Variants in POU2F3 observed in about 807,000 individuals in gnomAD.
POU2F3 encodes the protein POU domain, class 2, transcription factor 3.
POU2F3 carries 23 observed loss-of-function variants against 59.2 expected under a neutral mutation model. The observed-to-expected ratio is 0.39, with a 90% CI of 0.28 to 0.55. POU2F3 has a LOEUF of 0.55. Among genes scored for constraint, POU2F3 ranks in the 20% least tolerant of loss-of-function variants. POU2F3 has a pLI of 0.66. For synonymous variants in POU2F3, 190 were observed against 214.6 expected, an observed-to-expected ratio of 0.89 and a Z score of 1.00; for missense variants, 473 against 544.5, an observed-to-expected ratio of 0.87 and a Z score of 1.31.
At chr11:120,263,130 T>C (rs2135176237) in intron 2 of POU2F3, among the ~76,000 whole-genome samples, 1 of 152,240 alleles carries the variant, frequency 6.6e-6, no homozygotes, top group African/African-American at 2.4e-5. Context: ...TAGCTGAGAT[T>C]ACAGGCATGT....
At position 120,299,842 on chromosome 11, in the gene POU2F3, C is replaced by A. The variant is rs1591433573; in HGVS notation, c.361+116C>A. On this transcript the variant is annotated intron_variant, in intron 5 of 12. Coordinates refer to ENST00000543440, the MANE Select transcript of POU2F3 (RefSeq NM_014352.4). The stretch of plus-strand genomic sequence containing the variant: ...GAGCATGCGTCAGTCAGTCACCCAT[C>A]TGCTATTAAGACCTACTTATCCACC... The A allele has an allele frequency of 4.8e-6, 4 of 827,056 alleles. No homozygotes were observed. In the South Asian group the frequency reaches 5.2e-5, roughly 11 times the overall value. The allele number at this position is 827,056 out of a possible 1,614,324, so 51.2% of individuals were successfully genotyped here.
At chr11:120,248,284 T>C (rs908820381) in intron 2 of POU2F3, among the ~76,000 whole-genome samples, 1 of 152,204 alleles carries the variant, frequency 6.6e-6, no homozygotes, top group African/African-American at 2.4e-5. Context: ...AGTATGGATC[T>C]AGAATCAAAC....
intron 10 of POU2F3, among the ~76,000 whole-genome samples, chr11:120,313,687 C>T (rs1941711831): frequency 6.6e-6 from 1 of 152,136 alleles, no homozygotes. Flanking sequence ...AACAAGCTGG[C>T]CGCACTGACC....
intron 3 of POU2F3, among the ~76,000 whole-genome samples, chr11:120,284,788 C>T (rs1399420711): frequency 1.3e-5 from 2 of 151,650 alleles, no homozygotes; most frequent in Non-Finnish European, 3.0e-5. Context: ...GCCTTTAGCC[C>T]CGGGGTGAGT....
At chr11:120,308,956 AAAAAAAAAAAAAAAAAAAAAG>A (rs1941576880) in intron 9 of POU2F3, among the ~76,000 whole-genome samples, 2 of 140,634 alleles carry the variant, frequency 1.4e-5, no homozygotes, top group African/African-American at 5.4e-5. Flanking sequence ...AAAAAAAAAA[AAAAAAAAAAAAAAAAAAAAAG>A]AAATGACAAG....
intron 3 of POU2F3, among the ~76,000 whole-genome samples, chr11:120,274,116 G>GAAGGAAGGAAGA (rs1940218676): frequency 1.0e-5 from 1 of 100,056 alleles, no homozygotes; most frequent in African/African-American, 3.9e-5. Flanking sequence ...AGAAAGGAAG[G>GAAGGAAGGAAGA]AAGGAAGGAA....
At chr11:120,247,044 A>C (rs1314594632) in intron 2 of POU2F3, among the ~76,000 whole-genome samples, 1 of 152,174 alleles carries the variant, frequency 6.6e-6, no homozygotes, top group Non-Finnish European at 1.5e-5. Context: ...GCTAGTCAGC[A>C]GGCCAAGGTG....
intron 3 of POU2F3, among the ~76,000 whole-genome samples, chr11:120,274,303 C>T (rs1172951776): frequency 6.6e-6 from 1 of 152,154 alleles, no homozygotes; most frequent in Non-Finnish European, 1.5e-5. Context: ...ATATCTGTCT[C>T]ACGGGGTTAT....
At chr11:120,248,152 A>G (rs1938946824) in intron 2 of POU2F3, among the ~76,000 whole-genome samples, 1 of 152,192 alleles carries the variant, frequency 6.6e-6, no homozygotes, top group Non-Finnish European at 1.5e-5. Context: ...GAGAGAAAGA[A>G]TCCAGACATT....
rs988009908 is a variant in POU2F3 at position 120,305,616 on chromosome 11, G to A, written c.628-28G>A. 10 of 1,610,956 alleles carry A rather than the reference G, an allele frequency of 6.2e-6. No homozygotes were observed. The East Asian group carries it at 1.8e-4, about 29-fold the overall frequency. On this transcript the variant is annotated intron_variant, in intron 7 of 12. Transcript: ENST00000543440. Reference sequence around the variant, plus strand: ...ACAAGAGGAGGAGGCTGCCTCTCATGTTCCTCCCCCTCGGTCCCCACGCTT... The same window carrying A: ...ACAAGAGGAGGAGGCTGCCTCTCATATTCCTCCCCCTCGGTCCCCACGCTT...
chr11:120,298,144 G>A, intron 3 of POU2F3, 121 bp from the exon 4 acceptor site: 1 of 1,282,842 alleles, frequency 7.8e-7, no homozygotes, highest in Non-Finnish European at 1.1e-6. Flanking sequence ...AGTAGGCCCT[G>A]GGCTAGCTCT....
chr11:120,253,654 C>A (rs573087279), intron 2 of POU2F3: 3 of 152,170 alleles, frequency 2.0e-5, no homozygotes, highest in Non-Finnish European at 2.9e-5. Flanking sequence ...GGACTTTCTA[C>A]CTAAAGATGG....
At chr11:120,296,430 G>T (rs1941194091) in intron 3 of POU2F3, among the ~76,000 whole-genome samples, 1 of 152,132 alleles carries the variant, frequency 6.6e-6, no homozygotes. Flanking sequence ...AAGTTCAGGG[G>T]TACATGTCCA....
chr11:120,241,990 G>A (rs2847497), intron 1 of POU2F3, among the ~76,000 whole-genome samples: 2 of 152,112 alleles, frequency 1.3e-5, no homozygotes, highest in South Asian at 4.1e-4. Context: ...CTGTCCCTGT[G>A]AGCAGGTATT....
In POU2F3 at chr11:120,290,887, A is replaced by C. The variant is rs527739477; in HGVS notation, c.133-7378A>C. On this transcript the variant is annotated intron_variant, in intron 3 of 12. Transcript: ENST00000543440. ...ATGTGCACTTCCTTTTATTGGATTC[A>C]TCTGGAACCCCATAGTAAAATACAC... is the stretch of plus-strand genomic sequence containing the variant. Among the ~76,000 whole-genome samples the C allele has an allele frequency of 1.2e-4, 19 of 152,220 alleles. 1 individual carries two copies. Among genetic ancestry groups the C allele is most frequent in the Non-Finnish European group, 1.9e-4 (13 of 68,034 alleles).
At chr11:120,258,715 G>A (rs570030058) in intron 2 of POU2F3, among the ~76,000 whole-genome samples, 156 of 152,298 alleles carry the variant, frequency 1.0e-3, no homozygotes, top group African/African-American at 3.6e-3. Flanking sequence ...TTTTGGCCCC[G>A]TTCCTTGCAG....
intron 6 of POU2F3, 84 bp from the exon 7 acceptor site, chr11:120,304,942 TAAAA>T (rs11443197): frequency 0.023 from 7,510 of 333,176 alleles, no homozygotes; most frequent in Middle Eastern, 0.037. Context: ...GGCCTATTAG[TAAAA>T]AAAAAAAAAA....
intron 2 of POU2F3, among the ~76,000 whole-genome samples, chr11:120,260,796 G>A (rs1277373398): frequency 2.0e-5 from 3 of 152,124 alleles, no homozygotes; most frequent in Non-Finnish European, 4.4e-5. Flanking sequence ...AACCTCGCAC[G>A]GTGACTCATG....
Position 120,265,645 on chromosome 11 carries a change from C to T in POU2F3, c.98-3565C>T, listed in dbSNP as rs541688686. On this transcript the variant is annotated intron_variant, in intron 2 of 12. Coordinates refer to ENST00000543440, the MANE Select transcript of POU2F3 (RefSeq NM_014352.4). ...CAAATTAATCTCTGAATTGTGCTTA[C>T]ACACCTTTTTCATGTTATGGGTCTC... is the stretch of plus-strand genomic sequence containing the variant. Among the ~76,000 whole-genome samples, 6 of 152,324 alleles carry T rather than the reference C, an allele frequency of 3.9e-5. No individual in the cohort carries two copies. In the East Asian group the frequency reaches 1.2e-3, roughly 29 times the overall value.
Sources: allele counts gnomAD v4.1 joint callset (sites outside exome capture counted in the v4.1 genomes callset), GRCh38; gene constraint gnomAD v4.1.1; transcripts MANE v1.5; gene names NCBI Gene and HGNC (gene_info 2026-07-23, HGNC 2026-07-21).